The following PCDHGA7 variants were observed in gnomAD, a reference collection of about 807,000 sequenced individuals.
The protein encoded by PCDHGA7 is protocadherin gamma subfamily A, 7.
PCDHGA7 carries 44 observed loss-of-function variants against 58.3 expected under a neutral mutation model. That is an observed-to-expected ratio of 0.75 (90% confidence interval 0.59 to 0.97). PCDHGA7 has a LOEUF of 0.97. PCDHGA7 is among the 50% of genes least tolerant of loss of function. The pLI is 0.00. For synonymous variants in PCDHGA7, 516 were observed against 504.2 expected, an observed-to-expected ratio of 1.02 and a Z score of -0.31; for missense variants, 1,266 against 1,188.7, an observed-to-expected ratio of 1.06 and a Z score of -0.96.
At chr5:141,467,747 C>T (rs56743829) in intron 1 of PCDHGA7, among the ~76,000 whole-genome samples, 7,097 of 152,110 alleles carry the variant, frequency 0.047, 213 homozygotes, top group Middle Eastern at 0.092. Context: ...CTGCAACCTC[C>T]GCCTCACATG....
rs1299607088 is a variant in PCDHGA7 at position 141,472,933 on chromosome 5, C to T, written c.2425-21874C>T. ...CCCAAGAGGAGGAGGTTGTGGTGAG[C>T]CAAGATTATGCCATTGCACTCCAGC... On this transcript the variant is annotated intron_variant, in intron 1 of 3. Coordinates refer to ENST00000518325, the MANE Select transcript of PCDHGA7 (RefSeq NM_018920.4). Among the ~76,000 whole-genome samples, 4 of 143,758 alleles carry T rather than the reference C, an allele frequency of 2.8e-5. No individual in the cohort carries two copies. In the Admixed American group the frequency reaches 2.9e-4, roughly 10 times the overall value. 94.3% of individuals were successfully genotyped at this position (143,758 alleles called of 152,430 possible). A position where few individuals can be genotyped will look rare whatever the true frequency, so the allele number is the denominator to read the frequency against.
At chr5:141,417,556 A>C (rs1240389709) in intron 1 of PCDHGA7, 1 of 333,096 alleles carries the variant, frequency 3.0e-6, no homozygotes, top group Non-Finnish European at 5.4e-6. Context: ...TGAAAGAGGT[A>C]GAGAAAAGTC....
At chr5:141,415,066 C>A in intron 1 of PCDHGA7, 1 of 1,613,410 alleles carries the variant, frequency 6.2e-7, no homozygotes, top group Non-Finnish European at 8.5e-7. Flanking sequence ...GGGCGAGGTG[C>A]GCACGGCGCG....
Position 141,489,819 on chromosome 5 carries a change from G to T in PCDHGA7, c.2425-4988G>T. On this transcript the variant is annotated intron_variant, in intron 1 of 3. Transcript: ENST00000518325. This position sits in a 1 kb window ranked among gnomAD's most constrained non-coding sequence, Gnocchi z 4.5. ...TAAAAGATGGGAAGCCATTCCCAGA[G>T]CTGGTGCTAGAGCAGCAGCTGGATC... 6.2e-7 allele frequency: 1 copy of T among 1,614,190 alleles called. No homozygotes were observed.
At chr5:141,499,115 C>T (rs940275925) in intron 2 of PCDHGA7, among the ~76,000 whole-genome samples, 16 of 152,124 alleles carry the variant, frequency 1.1e-4, no homozygotes, top group African/African-American at 3.9e-4. Context: ...CACCACTATC[C>T]CTTCTCAGGT....
rs775731680 is a variant in PCDHGA7 at position 141,383,892 on chromosome 5, A to C, written c.993A>C (p.Ala331=). The part of the protein sequence containing the change: ...AQDGPGSLTK[A]KVLITVLDVN... ...ATGGTCCTGGTAGTCTGACAAAGGCAAAAGTACTGATCACAGTTTTAGATG... is the reference window on the plus strand; with the variant it reads ...ATGGTCCTGGTAGTCTGACAAAGGCCAAAGTACTGATCACAGTTTTAGATG... Residue 331 remains alanine (A), a synonymous_variant, in exon 1 of 4, where the codon GCA becomes GCC. Coordinates refer to ENST00000518325, the MANE Select transcript of PCDHGA7 (RefSeq NM_018920.4). 7.4e-5 allele frequency: 120 copies of C among 1,613,900 alleles called. No homozygotes were observed. The highest frequency in any genetic ancestry group is 9.4e-5 in the Non-Finnish European group (111 of 1,179,894).
chr5:141,422,800 C>A (rs1470748782), intron 1 of PCDHGA7: 1 of 1,614,094 alleles, frequency 6.2e-7, no homozygotes, highest in Non-Finnish European at 8.5e-7. Flanking sequence ...CGACTATGAG[C>A]AGTTTCGAGA....
chr5:141,446,917 C>G (rs979679080), intron 1 of PCDHGA7, among the ~76,000 whole-genome samples: 1 of 152,108 alleles, frequency 6.6e-6, no homozygotes, highest in South Asian at 2.1e-4. Flanking sequence ...TTTTATTTAT[C>G]TTCCTGATCT....
At chr5:141,414,064 C>T in intron 1 of PCDHGA7, 1 of 1,607,864 alleles carries the variant, frequency 6.2e-7, no homozygotes, top group Non-Finnish European at 8.5e-7. Context: ...GTTGAAGTTC[C>T]AACTAAACAA....
chr5:141,415,605 G>GGT, intron 1 of PCDHGA7: 1 of 1,613,122 alleles, frequency 6.2e-7, no homozygotes. Context: ...ATACCCCATT[G>GGT]GTTCCAGTGA....
chr5:141,410,103 A>G, intron 1 of PCDHGA7: 1 of 1,612,622 alleles, frequency 6.2e-7, no homozygotes, highest in South Asian at 1.1e-5. Flanking sequence ...GCCTTAGGCG[A>G]CAGGGACGCA....
chr5:141,430,383 G>GAA (rs139772145), intron 1 of PCDHGA7, among the ~76,000 whole-genome samples: 39 of 138,602 alleles, frequency 2.8e-4, no homozygotes, highest in African/African-American at 7.9e-4. Context: ...AGCTCATTGG[G>GAA]AAAAAAAAAA....
Position 141,477,468 on chromosome 5 carries a change from A to G in PCDHGA7, c.2425-17339A>G. ...GTGCGTGTTCAAGTGTCCGACATCA[A>G]TGACAACCCTCCACAATCTTCTCAA... is the stretch of plus-strand genomic sequence containing the variant. On this transcript the variant is annotated intron_variant, in intron 1 of 3. Transcript: ENST00000518325. This position sits in a 1 kb window ranked among gnomAD's most constrained non-coding sequence, Gnocchi z 4.9. 6.2e-7 allele frequency: 1 copy of G among 1,614,158 alleles called. No homozygotes were observed. Among genetic ancestry groups the G allele is most frequent in the Non-Finnish European group, 8.5e-7 (1 of 1,180,022 alleles).
chr5:141,397,012 A>C (rs944352237), intron 1 of PCDHGA7, among the ~76,000 whole-genome samples: 2 of 152,260 alleles, frequency 1.3e-5, no homozygotes, highest in African/African-American at 4.8e-5. Flanking sequence ...AATGGACTAA[A>C]GAAGGTTGAC....
At chr5:141,427,812 G>A (rs1380721111) in intron 1 of PCDHGA7, 1 of 1,524,286 alleles carries the variant, frequency 6.6e-7, no homozygotes, top group African/African-American at 1.4e-5. Context: ...CGCACAGAGC[G>A]GGGTGGTGGT....
chr5:141,414,212 A>G (rs778319178), intron 1 of PCDHGA7: 1 of 1,612,944 alleles, frequency 6.2e-7, no homozygotes, highest in Admixed American at 1.7e-5. Flanking sequence ...GATGTAAATG[A>G]CAACAGTCCA....
chr5:141,476,306 C>T lies in PCDHGA7; in HGVS notation c.2425-18501C>T, dbSNP rs1011265476. The T allele has an allele frequency of 1.2e-6, 2 of 1,613,464 alleles. No homozygotes were observed. Among genetic ancestry groups the T allele is most frequent in the African/African-American group, 2.7e-5 (2 of 74,688 alleles). On this transcript the variant is annotated intron_variant, in intron 1 of 3. Transcript: ENST00000518325. The surrounding 1 kb of genome is among the most constrained non-coding windows in gnomAD (Gnocchi z 7.6). ...TTTGGATCTCGGTAGCCTCTCAGCCCGCAGGTTCCGGGTGGTGTCTGGAGC... is the reference window on the plus strand; with the variant it reads ...TTTGGATCTCGGTAGCCTCTCAGCCTGCAGGTTCCGGGTGGTGTCTGGAGC...
intron 1 of PCDHGA7, chr5:141,410,156 C>T: frequency 6.2e-7 from 1 of 1,613,514 alleles, no homozygotes; most frequent in Non-Finnish European, 8.5e-7. Context: ...CGGTGGACAG[C>T]CGCCACTCTC....
intron 1 of PCDHGA7, chr5:141,408,623 G>T: frequency 6.2e-7 from 1 of 1,614,004 alleles, no homozygotes; most frequent in Non-Finnish European, 8.5e-7. Context: ...AATACATTTA[G>T]AAATTTTCGA....
Sources: gnomAD v4.1 joint callset for allele counts (sites outside exome capture counted in the v4.1 genomes callset) on GRCh38, gnomAD v4.1.1 for gene constraint, Gnocchi (gnomAD v3.1) non-coding constraint, MANE v1.5 for transcripts, NCBI Gene and HGNC (gene_info 2026-07-23, HGNC 2026-07-21) for gene names.